Variants in FOXP2 observed in about 807,000 individuals in gnomAD.
The protein encoded by FOXP2 is forkhead box P2.
A neutral mutation model predicts 115.8 loss-of-function variants in FOXP2; 12 were observed. The ratio of observed to expected loss-of-function variants is 0.10; its 90% CI spans 0.07 to 0.17. The LOEUF is 0.17. Ranked by LOEUF, FOXP2 falls within the 10% of genes least tolerant of loss-of-function variation. FOXP2 has a pLI of 1.00. For synonymous variants in FOXP2, 328 were observed against 297.7 expected (o/e 1.10, Z -1.05); for missense variants, 629 against 843.5 (o/e 0.75, Z 3.15).
intron 16 of FOXP2, among the ~76,000 whole-genome samples, chr7:114,673,949 G>C (rs567884313): frequency 6.6e-6 from 1 of 152,060 alleles, no homozygotes; most frequent in Admixed American, 6.6e-5. Flanking sequence ...TGATCCACCC[G>C]CCTCGACCTC....
intron 16 of FOXP2, among the ~76,000 whole-genome samples, chr7:114,682,185 G>A (rs1256047496): frequency 2.0e-5 from 3 of 152,112 alleles, no homozygotes; most frequent in Non-Finnish European, 4.4e-5. Context: ...TGCATAGCTA[G>A]GAAGTAAAGG....
At chr7:114,317,932 T>C (rs1309983084) in intron 2 of FOXP2, among the ~76,000 whole-genome samples, 1 of 152,082 alleles carries the variant, frequency 6.6e-6, no homozygotes, top group Non-Finnish European at 1.5e-5. Context: ...TCTGACTGGG[T>C]TGCTCTTCCT....
At chr7:114,536,719 T>C (rs1012787304) in intron 3 of FOXP2, among the ~76,000 whole-genome samples, 2 of 151,484 alleles carry the variant, frequency 1.3e-5, no homozygotes, top group African/African-American at 4.8e-5. Context: ...TTAATCTGAA[T>C]TTATCTCCAT....
chr7:114,229,384 A>G (rs971358136), intron 1 of FOXP2, among the ~76,000 whole-genome samples: 4 of 151,700 alleles, frequency 2.6e-5, no homozygotes, highest in Non-Finnish European at 5.9e-5. Flanking sequence ...AAGGAAAAAG[A>G]GGACTTGAAC....
chr7:114,583,808 A>G (rs1801986809), intron 3 of FOXP2, among the ~76,000 whole-genome samples: 1 of 152,208 alleles, frequency 6.6e-6, no homozygotes, highest in African/African-American at 2.4e-5. Flanking sequence ...ACCAAAAATT[A>G]TTCATTTTAA....
intron 2 of FOXP2, among the ~76,000 whole-genome samples, chr7:114,481,994 A>G (rs1048661399): frequency 2.0e-5 from 3 of 151,278 alleles, no homozygotes; most frequent in East Asian, 1.9e-4. Flanking sequence ...TCTGATTTTA[A>G]CTTAATCACC....
At chr7:114,597,065 G>A (rs561134129) in intron 3 of FOXP2, among the ~76,000 whole-genome samples, 16 of 151,774 alleles carry the variant, frequency 1.1e-4, no homozygotes, top group Non-Finnish European at 2.2e-4. Context: ...GAAAAAATTG[G>A]GGGCTCTTCT....
chr7:114,173,604 TA>T (rs947399748), intron 1 of FOXP2, among the ~76,000 whole-genome samples: 11 of 151,946 alleles, frequency 7.2e-5, no homozygotes, highest in Non-Finnish European at 1.3e-4. Flanking sequence ...CTATTGCATT[TA>T]TTTTTTTTTT....
intron 2 of FOXP2, among the ~76,000 whole-genome samples, chr7:114,378,663 G>A: frequency 1.4e-5 from 1 of 73,862 alleles, no homozygotes; most frequent in African/African-American, 5.1e-5. Flanking sequence ...CAGCCTGTGA[G>A]ACAATGTAAG....
chr7:114,232,999 G>T (rs1158148361), intron 1 of FOXP2, among the ~76,000 whole-genome samples: 2 of 152,188 alleles, frequency 1.3e-5, no homozygotes, highest in African/African-American at 4.8e-5. Flanking sequence ...CATGGTGGGT[G>T]CAGGAGCTAT....
intron 2 of FOXP2, among the ~76,000 whole-genome samples, chr7:114,309,254 G>T (rs932661292): frequency 2.6e-5 from 4 of 152,086 alleles, no homozygotes; most frequent in African/African-American, 9.7e-5. Flanking sequence ...CTCTCTTCTC[G>T]TCACTCTGTG....
intron 1 of FOXP2, among the ~76,000 whole-genome samples, chr7:114,231,350 T>C (rs1214277094): frequency 6.6e-6 from 1 of 152,154 alleles, no homozygotes; most frequent in Non-Finnish European, 1.5e-5. Context: ...AATGCATTTG[T>C]TACAGATATA....
chr7:114,588,983 C>T (rs893468847), intron 3 of FOXP2, among the ~76,000 whole-genome samples: 1 of 152,120 alleles, frequency 6.6e-6, no homozygotes, highest in Non-Finnish European at 1.5e-5. Context: ...TTAAGTTCTT[C>T]TGGTGGTTAT....
chr7:114,686,523 G>A (rs1808373104), intron 16 of FOXP2, among the ~76,000 whole-genome samples: 1 of 152,062 alleles, frequency 6.6e-6, no homozygotes, highest in Non-Finnish European at 1.5e-5. Flanking sequence ...AGGCCACTAC[G>A]GAAATATCAA....
chr7:114,095,253 A>G (rs750680270), intron 1 of FOXP2, among the ~76,000 whole-genome samples: 4 of 152,172 alleles, frequency 2.6e-5, no homozygotes, highest in Admixed American at 6.5e-5. Flanking sequence ...CTTTTAAATT[A>G]CTTCCAATTA....
At chr7:114,566,618 C>T (rs932585480) in intron 3 of FOXP2, among the ~76,000 whole-genome samples, 2 of 152,104 alleles carry the variant, frequency 1.3e-5, no homozygotes, top group Non-Finnish European at 2.9e-5. Context: ...TCTTGTACAG[C>T]GTGCAAAACT....
intron 2 of FOXP2, among the ~76,000 whole-genome samples, chr7:114,533,434 A>T (rs1313147486): frequency 6.6e-6 from 1 of 151,934 alleles, no homozygotes; most frequent in Non-Finnish European, 1.5e-5. Context: ...ACCAGCTGGC[A>T]GTGTAATGCC....
At chr7:114,531,637 CTCT>C (rs1248458885) in intron 2 of FOXP2, among the ~76,000 whole-genome samples, 1 of 151,898 alleles carries the variant, frequency 6.6e-6, no homozygotes, top group Non-Finnish European at 1.5e-5. Flanking sequence ...GCAGTCTCTA[CTCT>C]ACCAAAAGAA....
intron 1 of FOXP2, chr7:114,288,004 T>C (rs1022024510): frequency 6.9e-6 from 3 of 432,680 alleles, no homozygotes; most frequent in African/African-American, 6.1e-5. Context: ...GACAATTATT[T>C]GTCTCTATTA....
Sources: gnomAD v4.1 joint callset for allele counts (sites outside exome capture counted in the v4.1 genomes callset) on GRCh38, gnomAD v4.1.1 for gene constraint, MANE v1.5 for transcripts, NCBI Gene and HGNC (gene_info 2026-07-23, HGNC 2026-07-21) for gene names.